The following SLC39A9 variants were observed in gnomAD, a reference collection of about 807,000 sequenced individuals.
SLC39A9 encodes zinc transporter ZIP9.
In SLC39A9, 14 loss-of-function variants were observed where a neutral mutation model predicts 28.4. The observed-to-expected ratio is 0.49, with a 90% CI of 0.33 to 0.77. The LOEUF (loss-of-function observed/expected upper bound fraction) is 0.77. SLC39A9 is among the 30% of genes least tolerant of loss of function. The probability of loss-of-function intolerance (pLI) is 0.02; values close to 1 mark genes in which losing one functional copy is unlikely to be tolerated. For missense variants in SLC39A9, 283 were observed against 381.1 expected (o/e 0.74, Z 2.14); for synonymous variants, 119 against 149.6 (o/e 0.80, Z 1.49).
intron 1 of SLC39A9, 133 bp downstream of exon 1, chr14:69,399,598 AG>A: frequency 1.5e-6 from 1 of 658,164 alleles, no homozygotes; most frequent in African/African-American, 1.8e-5. Flanking sequence ...CTTTTTTAAA[AG>A]ATACATGACA....
At chr14:69,440,863 G>A (rs777259470) in intron 2 of SLC39A9, among the ~76,000 whole-genome samples, 5 of 152,102 alleles carry the variant, frequency 3.3e-5, no homozygotes, top group Admixed American at 6.5e-5. Context: ...TAGTAGAGAC[G>A]GGGATTCACC....
chr14:69,412,390 AAAATAAATAAATAAATAAATAAAT>A (rs201794769), intron 1 of SLC39A9, among the ~76,000 whole-genome samples: 1 of 142,182 alleles, frequency 7.0e-6, no homozygotes, highest in African/African-American at 2.7e-5. Flanking sequence ...CTCCATCTCA[AAAATAAATAAATAAATAAATAAAT>A]AAATAAATAA....
rs888425794 is a variant in SLC39A9 at position 69,448,988 on chromosome 14, AT to A, written c.404-4244del. On this transcript the variant is annotated intron_variant, in intron 3 of 6. Coordinates refer to ENST00000336643, the MANE Select transcript of SLC39A9 (RefSeq NM_018375.5). ...GTCCATCTGAGAAAAGGATGTATGA[AT>A]TTTTTTTTACTATTCTTGCAACTTT... Among the ~76,000 whole-genome samples, 4 of 151,786 alleles carry A rather than the reference AT, an allele frequency of 2.6e-5. No individual in the cohort carries two copies. The East Asian group carries it at 7.7e-4, about 29-fold the overall frequency.
intron 1 of SLC39A9, among the ~76,000 whole-genome samples, chr14:69,417,486 G>T (rs1221757048): frequency 6.6e-6 from 1 of 152,194 alleles, no homozygotes; most frequent in East Asian, 1.9e-4. Context: ...GAACTTTAAA[G>T]TAGTTTTTTC....
chr14:69,453,283 C>A lies in SLC39A9; in HGVS notation c.446C>A (p.Thr149Lys). The A allele has an allele frequency of 6.2e-7, 1 of 1,613,998 alleles. No homozygotes were observed. The highest frequency in any genetic ancestry group is 8.5e-7 in the Non-Finnish European group (1 of 1,179,874). Reference protein sequence around the residue: ...ARSSNSKITTTLGLVVHAAAD... With the variant: ...ARSSNSKITTKLGLVVHAAAD... The stretch of plus-strand genomic sequence containing the variant: ...TCTAGCAATTCCAAAATCACCACCA[C>A]GCTGGGTCTGGTTGTCCATGCTGCA... The change falls in exon 4 of 7, where the codon ACG becomes AAG. Residue 149 changes from threonine (T) to lysine (K), a missense_variant. Transcript: ENST00000336643.
At chr14:69,408,794 G>A (rs1373363592) in intron 1 of SLC39A9, among the ~76,000 whole-genome samples, 1 of 152,154 alleles carries the variant, frequency 6.6e-6, no homozygotes. Context: ...GCATGGCAGT[G>A]GGGATGGGAG....
At chr14:69,411,975 G>T (rs998919716) in intron 1 of SLC39A9, among the ~76,000 whole-genome samples, 2 of 151,806 alleles carry the variant, frequency 1.3e-5, no homozygotes, top group Non-Finnish European at 2.9e-5. Context: ...TAGAGATGGG[G>T]TTTCACCATG....
At chr14:69,410,339 C>T (rs1883196766) in intron 1 of SLC39A9, among the ~76,000 whole-genome samples, 1 of 152,238 alleles carries the variant, frequency 6.6e-6, no homozygotes, top group East Asian at 1.9e-4. Flanking sequence ...ATTATTCTTG[C>T]AGTGGAGGTG....
intron 1 of SLC39A9, among the ~76,000 whole-genome samples, chr14:69,401,071 A>G (rs1469430158): frequency 5.3e-5 from 8 of 152,076 alleles, no homozygotes; most frequent in Admixed American, 3.3e-4. Context: ...GAATCAGAAG[A>G]GAGGTATTTT....
At chr14:69,417,358 C>A (rs989853997) in intron 1 of SLC39A9, among the ~76,000 whole-genome samples, 2 of 152,164 alleles carry the variant, frequency 1.3e-5, no homozygotes, top group Non-Finnish European at 2.9e-5. Flanking sequence ...CAGTACCATG[C>A]TGTTTTGGTT....
intron 2 of SLC39A9, chr14:69,428,916 A>G (rs1178953930): frequency 6.6e-6 from 1 of 152,294 alleles, no homozygotes; most frequent in Non-Finnish European, 1.5e-5. Context: ...CCAAAGTTTT[A>G]GCAGAAGAAT....
chr14:69,424,173 T>C lies in SLC39A9; in HGVS notation c.176T>C (p.Val59Ala). 1 of 1,613,480 alleles carries C rather than the reference T, an allele frequency of 6.2e-7. No homozygotes were observed. Among genetic ancestry groups the C allele is most frequent in the Non-Finnish European group, 8.5e-7 (1 of 1,179,534 alleles). Residue 59 changes from valine (V) to alanine (A), a missense_variant, in exon 2 of 7, where the codon GTA becomes GCA. Coordinates refer to ENST00000336643, the MANE Select transcript of SLC39A9 (RefSeq NM_018375.5). The part of the protein sequence containing the change: ...TALAVIVPEG[V>A]HALYEDILEG... ...CTGGCAGTCATCGTGCCTGAAGGAG[T>C]ACATGCCCTTTATGAAGATATTCTT...
chr14:69,408,174 G>A (rs1370738373), intron 1 of SLC39A9, among the ~76,000 whole-genome samples: 4 of 151,872 alleles, frequency 2.6e-5, no homozygotes, highest in East Asian at 1.9e-4. Context: ...CAACACGCCC[G>A]GCTAATTTTT....
chr14:69,454,605 A>G (rs959122680), intron 4 of SLC39A9: 3 of 429,806 alleles, frequency 7.0e-6, no homozygotes, highest in African/African-American at 4.0e-5. Flanking sequence ...TGCTCTTTAC[A>G]TAAGTTATCT....
chr14:69,409,615 G>T (rs746503888), intron 1 of SLC39A9, among the ~76,000 whole-genome samples: 1 of 152,286 alleles, frequency 6.6e-6, no homozygotes, highest in South Asian at 2.1e-4. Context: ...TGCTGGGATT[G>T]CCAGTAGGGG....
At chr14:69,456,430 C>T (rs539722832) in intron 6 of SLC39A9, among the ~76,000 whole-genome samples, 7 of 152,286 alleles carry the variant, frequency 4.6e-5, no homozygotes, top group Admixed American at 1.3e-4. Flanking sequence ...GATCAACAAA[C>T]CCTTCCTTAA....
intron 3 of SLC39A9, among the ~76,000 whole-genome samples, chr14:69,446,945 TATAG>T (rs1352950331): frequency 4.6e-4 from 60 of 131,780 alleles, no homozygotes; most frequent in African/African-American, 1.1e-3. Context: ...TATATATATA[TATAG>T]AGAGAGAGAG....
At chr14:69,421,094 A>G (rs1456409452) in intron 1 of SLC39A9, among the ~76,000 whole-genome samples, 1 of 152,196 alleles carries the variant, frequency 6.6e-6, no homozygotes, top group African/African-American at 2.4e-5. Context: ...TAGAATTTTC[A>G]GCTTTTCTGC....
rs1397414581 is a variant in SLC39A9, at chr14:69,460,535, T to G, written c.*1942T>G. ...CTGGAAACTGACTTTGTCAAATAAA[T>G]AGCAGATTGTAGTGTCTGGTTTGGT... is the stretch of plus-strand genomic sequence containing the variant. On this transcript the variant is annotated 3_prime_UTR_variant, in exon 7 of 7. Coordinates refer to ENST00000336643, the MANE Select transcript of SLC39A9 (RefSeq NM_018375.5). The G allele has an allele frequency of 1.0e-6, 1 of 985,110 alleles. No homozygotes were observed. The highest frequency in any genetic ancestry group is 1.2e-6 in the Non-Finnish European group (1 of 829,870). The allele number at this position is 985,110 out of a possible 1,614,324, so 61.0% of individuals were successfully genotyped here. A position where few individuals can be genotyped will look rare whatever the true frequency, so the allele number is the denominator to read the frequency against.
Sources: gnomAD v4.1 joint callset for allele counts (sites outside exome capture counted in the v4.1 genomes callset) on GRCh38, gnomAD v4.1.1 for gene constraint, MANE v1.5 for transcripts, NCBI Gene and HGNC (gene_info 2026-07-23, HGNC 2026-07-21) for gene names.